DIAPH1: variants seen among roughly 807,000 people sequenced by gnomAD.
DIAPH1 encodes diaphanous related formin 1, also known as protein diaphanous homolog 1.
A neutral mutation model predicts 140.7 loss-of-function variants in DIAPH1; 46 were observed. The ratio of observed to expected loss-of-function variants is 0.33; its 90% CI spans 0.26 to 0.42. The LOEUF (loss-of-function observed/expected upper bound fraction) is 0.42, where lower values mean the gene tolerates loss of function less well. DIAPH1 is among the 10% of genes least tolerant of loss of function. The pLI, the probability that DIAPH1 is intolerant of heterozygous loss-of-function variation, is 1.00. For synonymous variants in DIAPH1, 565 were observed against 551.6 expected (o/e 1.02, Z -0.34); for missense variants, 1,310 against 1,558.7 (o/e 0.84, Z 2.69).
intron 18 of DIAPH1, among the ~76,000 whole-genome samples, chr5:141,544,509 T>TG (rs1388466136): frequency 6.6e-6 from 1 of 152,042 alleles, no homozygotes; most frequent in East Asian, 1.9e-4. Flanking sequence ...GATTAAAAAG[T>TG]TATGACTAGA....
At chr5:141,533,901 C>T (rs1168496424) in intron 19 of DIAPH1, among the ~76,000 whole-genome samples, 1 of 151,912 alleles carries the variant, frequency 6.6e-6, no homozygotes, top group Non-Finnish European at 1.5e-5. Context: ...CATGGTGGTG[C>T]ACACCTGTAG....
chr5:141,601,527 C>T (rs1365064207), intron 1 of DIAPH1, among the ~76,000 whole-genome samples: 1 of 152,026 alleles, frequency 6.6e-6, no homozygotes, highest in East Asian at 1.9e-4. Context: ...TGACCTCAAG[C>T]GATCCATCTG....
intron 18 of DIAPH1, among the ~76,000 whole-genome samples, chr5:141,558,736 A>G (rs1394676398): frequency 6.6e-6 from 1 of 152,136 alleles, no homozygotes; most frequent in African/African-American, 2.4e-5. Flanking sequence ...CCTATGACTA[A>G]AAAAGAACAT....
chr5:141,596,050 C>A (rs958686831), intron 1 of DIAPH1, among the ~76,000 whole-genome samples: 11 of 152,112 alleles, frequency 7.2e-5, no homozygotes, highest in African/African-American at 2.2e-4. Flanking sequence ...CAGGCATGGG[C>A]CAGCCGCGGT....
intron 18 of DIAPH1, among the ~76,000 whole-genome samples, chr5:141,540,858 G>A (rs1414135940): frequency 1.3e-5 from 2 of 150,302 alleles, no homozygotes; most frequent in Non-Finnish European, 3.0e-5. Flanking sequence ...TCAGGAGTTC[G>A]AGACCACCCT....
intron 24 of DIAPH1, among the ~76,000 whole-genome samples, chr5:141,526,820 C>T (rs1228485152): frequency 2.0e-5 from 3 of 152,036 alleles, no homozygotes; most frequent in African/African-American, 7.3e-5. Flanking sequence ...CCTCAGCCTC[C>T]CAAGTAGCTG....
At chr5:141,602,432 G>T (rs1427347947) in intron 1 of DIAPH1, among the ~76,000 whole-genome samples, 1 of 152,114 alleles carries the variant, frequency 6.6e-6, no homozygotes, top group Non-Finnish European at 1.5e-5. Flanking sequence ...AGCCAGGATG[G>T]TCTTGAACTC....
intron 27 of DIAPH1, among the ~76,000 whole-genome samples, chr5:141,523,137 T>A (rs2099886817): frequency 6.6e-6 from 1 of 152,216 alleles, no homozygotes; most frequent in Non-Finnish European, 1.5e-5. Context: ...CAAGCTGTGT[T>A]AACTCCTTCT....
At chr5:141,557,447 CATT>C (rs1393166979) in intron 18 of DIAPH1, among the ~76,000 whole-genome samples, 1 of 152,064 alleles carries the variant, frequency 6.6e-6, no homozygotes, top group Non-Finnish European at 1.5e-5. Flanking sequence ...TGTGTGCGTG[CATT>C]TTTTTCACGG....
At chr5:141,606,216 A>G (rs2099900928) in intron 1 of DIAPH1, among the ~76,000 whole-genome samples, 1 of 152,160 alleles carries the variant, frequency 6.6e-6, no homozygotes, top group African/African-American at 2.4e-5. Context: ...ATATCCAGAC[A>G]TACCCTGAGG....
intron 18 of DIAPH1, among the ~76,000 whole-genome samples, chr5:141,549,116 G>A (rs1228080014): frequency 2.6e-5 from 4 of 152,086 alleles, no homozygotes; most frequent in Non-Finnish European, 5.9e-5. Flanking sequence ...AAAACTGTCA[G>A]ACTGGAGTTA....
In DIAPH1 at chr5:141,526,582, A is replaced by T. The variant is rs148116628; in HGVS notation, c.3274-121T>A. On this transcript the variant is annotated intron_variant, in intron 24 of 27. Transcript: ENST00000389054. ...AGGGATGTTCAATACAGCACTGTTTATAACAGCAAAAACCAAAGCCATGTA... is the reference window on the plus strand; with the variant it reads ...AGGGATGTTCAATACAGCACTGTTTTTAACAGCAAAAACCAAAGCCATGTA... 4.0e-6 allele frequency: 5 copies of T among 1,249,134 alleles called. No individual in the cohort carries two copies. The African/African-American group carries it at 7.4e-5, about 18-fold the overall frequency. The allele number at this position is 1,249,134 out of a possible 1,614,324, so 77.4% of individuals were successfully genotyped here. A position where few individuals can be genotyped will look rare whatever the true frequency, so the allele number is the denominator to read the frequency against.
At chr5:141,559,970 A>T (rs571510016) in intron 18 of DIAPH1, among the ~76,000 whole-genome samples, 1 of 152,108 alleles carries the variant, frequency 6.6e-6, no homozygotes, top group Non-Finnish European at 1.5e-5. Context: ...CTCGTGACCA[A>T]TTCTGTTTCA....
intron 1 of DIAPH1, among the ~76,000 whole-genome samples, chr5:141,607,599 A>G: frequency 6.6e-6 from 1 of 152,212 alleles, no homozygotes; most frequent in East Asian, 1.9e-4. Context: ...TGCTTTCTGC[A>G]GGTTTTTATA....
rs1288796036 is a variant in DIAPH1 at position 141,573,835 on chromosome 5, C to A, written c.2015G>T (p.Gly672Val). The A allele has an allele frequency of 6.6e-7, 1 of 1,520,010 alleles. No homozygotes were observed. The highest frequency in any genetic ancestry group is 8.8e-7 in the Non-Finnish European group (1 of 1,131,374). 94.2% of individuals were successfully genotyped at this position (1,520,010 alleles called of 1,614,324 possible). A position where few individuals can be genotyped will look rare whatever the true frequency, so the allele number is the denominator to read the frequency against. The change falls in exon 16 of 28, where the codon GGT (glycine) becomes GTT (valine). Residue 672 changes from glycine to valine, a missense_variant. Around this residue, in one of 3 missense-constraint regions of DIAPH1, gnomAD observed 589 missense variants for 549.3 expected, o/e 1.07. Coordinates refer to ENST00000389054, the MANE Select transcript of DIAPH1 (RefSeq NM_005219.5). ...AGGAGGAGGTGGGGGGATGGCAGTA[C>A]CTCCAGGCAAAGAAGAGGGTGAAGG... ...GIPSPSSLPG[G>V]TAIPPPPPLP...
At chr5:141,575,763 G>C (rs1413321788) in intron 14 of DIAPH1, among the ~76,000 whole-genome samples, 1 of 152,134 alleles carries the variant, frequency 6.6e-6, no homozygotes, top group African/African-American at 2.4e-5. Context: ...AGATTTTAAA[G>C]GTATTTAACG....
intron 1 of DIAPH1, among the ~76,000 whole-genome samples, chr5:141,592,940 A>T (rs902068742): frequency 6.6e-6 from 1 of 152,232 alleles, no homozygotes; most frequent in Non-Finnish European, 1.5e-5. Context: ...AAACCTCACT[A>T]AACCTACAGA....
At position 141,526,050 on chromosome 5, in the gene DIAPH1, CTA is replaced by C. The variant is rs774924795; in HGVS notation, c.3560_3561del (p.Ile1187ArgfsTer8). ...LEKQQKREQL[I>X]DMNAEGDETG... The stretch of plus-strand genomic sequence containing the variant: ...CTTCACTCCTCACCTGCATTCATGT[CTA>C]TGAGTTGCTCTCTCTTCTGCTGCTT... On this transcript the variant is annotated frameshift_variant, in exon 26 of 28. Transcript: ENST00000389054. LOFTEE classifies it high-confidence loss of function. The C allele has an allele frequency of 1.2e-6, 2 of 1,614,112 alleles. No homozygotes were observed. Among genetic ancestry groups the C allele is most frequent in the Non-Finnish European group, 1.7e-6 (2 of 1,180,040 alleles).
chr5:141,560,935 A>G (rs1001610090), intron 18 of DIAPH1: 6 of 453,966 alleles, frequency 1.3e-5, no homozygotes, highest in African/African-American at 1.2e-4. Context: ...GTGGGGAAAG[A>G]TGAGGGGGGG....
Sources: gnomAD v4.1 joint callset for allele counts (sites outside exome capture counted in the v4.1 genomes callset) on GRCh38, gnomAD v4.1.1 for gene constraint, gnomAD v4.1.1 regional missense constraint, MANE v1.5 for transcripts, NCBI Gene and HGNC (gene_info 2026-07-23, HGNC 2026-07-21) for gene names.